Variants in NKAIN2 observed in about 807,000 individuals in gnomAD.
The protein encoded by NKAIN2 is sodium/potassium-transporting ATPase subunit beta-1-interacting protein 2.
A neutral mutation model predicts 32.6 loss-of-function variants in NKAIN2; 14 were observed. The ratio of observed to expected loss-of-function variants is 0.43; its 90% CI spans 0.28 to 0.67. The LOEUF (loss-of-function observed/expected upper bound fraction) is 0.67, where lower values mean the gene tolerates loss of function less well. Ranked by LOEUF, NKAIN2 falls within the 30% of genes least tolerant of loss-of-function variation. The pLI is 0.17. For synonymous variants in NKAIN2, 80 were observed against 87.2 expected (o/e 0.92, Z 0.46); for missense variants, 198 against 258.3 (o/e 0.77, Z 1.60).
At chr6:123,848,048 C>T (rs367741729) in intron 1 of NKAIN2, among the ~76,000 whole-genome samples, 4 of 152,118 alleles carry the variant, frequency 2.6e-5, no homozygotes, top group African/African-American at 7.2e-5. Flanking sequence ...TATTCTTTAT[C>T]GAAAAGCCAT....
At chr6:124,425,936 C>G (rs1465515439) in intron 3 of NKAIN2, among the ~76,000 whole-genome samples, 1 of 152,100 alleles carries the variant, frequency 6.6e-6, no homozygotes. Flanking sequence ...CATATGCATA[C>G]TCGTTTAACA....
At chr6:124,634,398 G>T (rs936032438) in intron 3 of NKAIN2, among the ~76,000 whole-genome samples, 1 of 151,992 alleles carries the variant, frequency 6.6e-6, no homozygotes, top group Non-Finnish European at 1.5e-5. Context: ...AACAGAAATA[G>T]ATCTAATAAT....
intron 2 of NKAIN2, among the ~76,000 whole-genome samples, chr6:124,296,271 G>A (rs1450902815): frequency 6.6e-6 from 1 of 151,894 alleles, no homozygotes; most frequent in East Asian, 1.9e-4. Context: ...ATAAAATTGA[G>A]GTTTATAAAG....
At chr6:123,890,342 A>G (rs758219516) in intron 1 of NKAIN2, among the ~76,000 whole-genome samples, 7 of 151,916 alleles carry the variant, frequency 4.6e-5, no homozygotes, top group Non-Finnish European at 1.0e-4. Context: ...TATTTATAGT[A>G]GTGGAGGATG....
intron 2 of NKAIN2, among the ~76,000 whole-genome samples, chr6:124,353,162 T>G (rs754681581): frequency 6.6e-6 from 1 of 152,128 alleles, no homozygotes; most frequent in African/African-American, 2.4e-5. Flanking sequence ...TACAAAACAT[T>G]GTCTTAATAA....
At chr6:124,402,135 G>A (rs758595555) in intron 3 of NKAIN2, among the ~76,000 whole-genome samples, 1 of 152,054 alleles carries the variant, frequency 6.6e-6, no homozygotes, top group Non-Finnish European at 1.5e-5. Flanking sequence ...TCTGCTAAAT[G>A]TCCTACAATG....
intron 3 of NKAIN2, among the ~76,000 whole-genome samples, chr6:124,540,813 AT>A (rs1779884668): frequency 2.0e-5 from 3 of 152,224 alleles, no homozygotes; most frequent in Non-Finnish European, 4.4e-5. Flanking sequence ...ACACTTTATT[AT>A]AAAATAGGCT....
intron 4 of NKAIN2, among the ~76,000 whole-genome samples, chr6:124,720,318 G>A (rs1280995510): frequency 2.0e-5 from 3 of 152,028 alleles, no homozygotes; most frequent in East Asian, 1.9e-4. Flanking sequence ...AGACTTATTG[G>A]GGATATCTCA....
At chr6:124,407,842 T>C (rs1221488599) in intron 3 of NKAIN2, among the ~76,000 whole-genome samples, 2 of 149,354 alleles carry the variant, frequency 1.3e-5, no homozygotes, top group Non-Finnish European at 3.0e-5. Context: ...TTTCTCCACA[T>C]CCTCTCCAGC....
chr6:123,978,361 G>T (rs1193429054), intron 1 of NKAIN2, among the ~76,000 whole-genome samples: 2 of 152,132 alleles, frequency 1.3e-5, no homozygotes, highest in African/African-American at 2.4e-5. Context: ...AGTCTATAAA[G>T]ACATGGAAGT....
intron 3 of NKAIN2, among the ~76,000 whole-genome samples, chr6:124,483,151 G>A (rs579758): frequency 0.77 from 116,429 of 152,052 alleles, 44,673 homozygotes; most frequent in African/African-American, 0.77. Flanking sequence ...AGCAAATGAT[G>A]ATACCAATTA....
At chr6:124,666,502 C>T (rs1772803237) in intron 4 of NKAIN2, among the ~76,000 whole-genome samples, 1 of 152,154 alleles carries the variant, frequency 6.6e-6, no homozygotes, top group Admixed American at 6.5e-5. Context: ...ACAAATTTAA[C>T]TTTCCAATCT....
chr6:124,638,767 T>A (rs1250760912), intron 3 of NKAIN2, among the ~76,000 whole-genome samples: 2 of 151,262 alleles, frequency 1.3e-5, no homozygotes, highest in African/African-American at 4.9e-5. Context: ...AGTGGACGCC[T>A]GTAGTCCCAG....
At chr6:124,606,206 A>T (rs1389760029) in intron 3 of NKAIN2, among the ~76,000 whole-genome samples, 3 of 151,778 alleles carry the variant, frequency 2.0e-5, no homozygotes, top group African/African-American at 7.3e-5. Context: ...ATATTCTATT[A>T]TTTCTTGGAA....
intron 3 of NKAIN2, among the ~76,000 whole-genome samples, chr6:124,558,840 C>G (rs1583437497): frequency 6.6e-6 from 1 of 151,898 alleles, no homozygotes; most frequent in Admixed American, 6.6e-5. Flanking sequence ...TCCCAGCTAC[C>G]CGGGAGGCTG....
At chr6:124,616,464 T>G (rs368663945) in intron 3 of NKAIN2, among the ~76,000 whole-genome samples, 3 of 17,300 alleles carry the variant, frequency 1.7e-4, no homozygotes, top group Non-Finnish European at 3.0e-4. Flanking sequence ...TTTTTTTTTT[T>G]TTTTTTTTTT....
chr6:123,976,370 CCCATATAT>C (rs1778616211), intron 1 of NKAIN2, among the ~76,000 whole-genome samples: 1 of 11,692 alleles, frequency 8.6e-5, no homozygotes, highest in African/African-American at 2.9e-4. Flanking sequence ...TATATATATT[CCCATATAT>C]ATATATATAT....
At chr6:123,960,533 G>A (rs903245031) in intron 1 of NKAIN2, among the ~76,000 whole-genome samples, 1 of 151,704 alleles carries the variant, frequency 6.6e-6, no homozygotes, top group Non-Finnish European at 1.5e-5. Flanking sequence ...ACCTCCTTGA[G>A]CCATTCTTGA....
chr6:124,519,470 T>G (rs1450752418), intron 3 of NKAIN2, among the ~76,000 whole-genome samples: 1 of 152,206 alleles, frequency 6.6e-6, no homozygotes. Flanking sequence ...GTGAAATTTG[T>G]GTGTGTACAA....
Sources: gnomAD v4.1 joint callset for allele counts (sites outside exome capture counted in the v4.1 genomes callset) on GRCh38, gnomAD v4.1.1 for gene constraint, MANE v1.5 for transcripts, NCBI Gene and HGNC (gene_info 2026-07-23, HGNC 2026-07-21) for gene names.